Variants in WNK3 observed in about 807,000 individuals in gnomAD.
WNK3 encodes the protein WNK lysine deficient protein kinase 3, also known as serine/threonine-protein kinase WNK3.
Under a neutral mutation model 116.7 loss-of-function variants are expected in WNK3, and 18 were observed. The ratio of observed to expected loss-of-function variants is 0.15; its 90% CI spans 0.11 to 0.23. The LOEUF is 0.23. Among genes scored for constraint, WNK3 ranks in the 10% least tolerant of loss-of-function variants. The pLI is 1.00. For synonymous variants in WNK3, 404 were observed against 469.4 expected (o/e 0.86, Z 1.80); for missense variants, 993 against 1,323.8 (o/e 0.75, Z 3.88).
intron 10 of WNK3, among the ~76,000 whole-genome samples, chrX:54,264,532 C>A (rs2068289621): frequency 9.1e-6 from 1 of 110,221 alleles, no homozygotes; most frequent in African/African-American, 3.3e-5. Context: ...ATAAAACTCA[C>A]ATAATGACAT....
At chrX:54,312,786 G>C (rs1557169981) in intron 2 of WNK3, among the ~76,000 whole-genome samples, 2 of 110,242 alleles carry the variant, frequency 1.8e-5, no homozygotes, top group Non-Finnish European at 3.8e-5. Context: ...TTCTTCATCA[G>C]GTACATTAAT....
At chrX:54,228,885 G>A (rs950781780) in intron 21 of WNK3, 142 bp from the exon 22 acceptor site, 9 of 350,887 alleles carry the variant, frequency 2.6e-5, no homozygotes, top group Non-Finnish European at 4.1e-5. Context: ...ATAATTTATG[G>A]CAAAAGACAG....
Position 54,208,832 on chromosome X carries a change from G to A in WNK3, c.4871-6639C>T, listed in dbSNP as rs782325826. 1.1e-4 allele frequency among the ~76,000 whole-genome samples: 12 copies of A among 111,831 alleles called. No individual in the cohort carries two copies. The South Asian group carries it at 2.6e-3, about 25-fold the overall frequency. On this transcript the variant is annotated intron_variant, in intron 22 of 23. Coordinates refer to ENST00000354646, the Ensembl canonical transcript of WNK3. ...TTACGGTCAGCAAAGGGAAAAGACA[G>A]GAGTCTAGAGAAATTCATGCTCAGA...
At chrX:54,226,909 C>T (rs2067850219) in intron 22 of WNK3, among the ~76,000 whole-genome samples, 1 of 110,867 alleles carries the variant, frequency 9.0e-6, no homozygotes, top group Non-Finnish European at 1.9e-5. Flanking sequence ...TTAAGTTAGG[C>T]AATAGATTTT....
At chrX:54,238,316 A>C (rs1569536288) in intron 19 of WNK3, 26 bp downstream of exon 19, 1 of 1,199,297 alleles carries the variant, frequency 8.3e-7, no homozygotes, top group East Asian at 3.0e-5. Context: ...GCCCTTGTAG[A>C]TAAGGATTCA....
intron 1 of WNK3, among the ~76,000 whole-genome samples, chrX:54,347,322 C>T (rs2069445407): frequency 9.0e-6 from 1 of 111,382 alleles, no homozygotes; most frequent in Non-Finnish European, 1.9e-5. Context: ...CTCGTCTCTA[C>T]TAAAAATACA....
intron 22 of WNK3, among the ~76,000 whole-genome samples, chrX:54,219,812 G>A (rs930396386): frequency 9.0e-6 from 1 of 110,911 alleles, no homozygotes; most frequent in Non-Finnish European, 1.9e-5. Flanking sequence ...AAGAAAATGA[G>A]TAACAGTTTT....
intron 17 of WNK3, among the ~76,000 whole-genome samples, chrX:54,246,272 T>A (rs1603380831): frequency 9.0e-6 from 1 of 111,046 alleles, no homozygotes; most frequent in East Asian, 2.8e-4. Context: ...ATAAGAAAGA[T>A]TTAAAAAATC....
At chrX:54,249,590 G>A in exon 17 of WNK3, 2 of 1,210,884 alleles carry the variant, frequency 1.7e-6, no homozygotes, top group Non-Finnish European at 2.2e-6. Flanking sequence ...TCTATAGTGA[G>A]CAATGTGTCC....
intron 22 of WNK3, 152 bp from the exon 23 acceptor site, chrX:54,202,345 G>A: frequency 1.0e-5 from 5 of 494,050 alleles, no homozygotes. Context: ...CGTCGTCCTG[G>A]TTTAAAGCTG....
At chrX:54,278,966 G>T (rs939369926) in intron 10 of WNK3, among the ~76,000 whole-genome samples, 1 of 111,102 alleles carries the variant, frequency 9.0e-6, no homozygotes, top group Admixed American at 9.6e-5. Flanking sequence ...TACTTGGGAG[G>T]CTGAGGCAGG....
At chrX:54,327,347 G>A (rs1262831260) in intron 2 of WNK3, among the ~76,000 whole-genome samples, 2 of 111,293 alleles carry the variant, frequency 1.8e-5, no homozygotes, top group East Asian at 5.7e-4. Flanking sequence ...ACTCTGAGAG[G>A]CAGAGACAGG....
chrX:54,238,674 C>T (rs2067989999), intron 18 of WNK3, among the ~76,000 whole-genome samples, 194 bp downstream of exon 18: 1 of 111,554 alleles, frequency 9.0e-6, no homozygotes, highest in Admixed American at 9.6e-5. Context: ...GACTTAGTAT[C>T]TATATGAAAT....
At chrX:54,217,315 CAAAAAAAA>C (rs782153999) in intron 22 of WNK3, among the ~76,000 whole-genome samples, 2 of 49,938 alleles carry the variant, frequency 4.0e-5, no homozygotes, top group African/African-American at 1.4e-4. Flanking sequence ...AAGACTCCAT[CAAAAAAAA>C]AAAAAAAAAA....
intron 5 of WNK3, among the ~76,000 whole-genome samples, chrX:54,306,019 C>A (rs782666799): frequency 5.0e-4 from 56 of 110,993 alleles, no homozygotes; most frequent in Non-Finnish European, 8.3e-4. Flanking sequence ...AGCGCCATTG[C>A]ACTCCAGCCT....
At chrX:54,259,683 AT>A (rs1268886780) in intron 10 of WNK3, among the ~76,000 whole-genome samples, 1 of 111,620 alleles carries the variant, frequency 9.0e-6, no homozygotes, top group Admixed American at 9.6e-5. Context: ...AGGTACTACC[AT>A]TCTACAAGAA....
At chrX:54,318,846 G>A (rs1194726449) in intron 2 of WNK3, among the ~76,000 whole-genome samples, 4 of 109,246 alleles carry the variant, frequency 3.7e-5, no homozygotes, top group African/African-American at 1.3e-4. Context: ...GTGTGACCTC[G>A]GTTCACTGCA....
At chrX:54,335,424 A>G (rs1167068793) in intron 1 of WNK3, among the ~76,000 whole-genome samples, 1 of 112,075 alleles carries the variant, frequency 8.9e-6, no homozygotes, top group African/African-American at 3.2e-5. Flanking sequence ...TGCACAATAA[A>G]CATGTGAAAA....
intron 1 of WNK3, among the ~76,000 whole-genome samples, chrX:54,343,099 C>T (rs905858560): frequency 9.9e-5 from 11 of 110,676 alleles, no homozygotes; most frequent in African/African-American, 3.6e-4. Context: ...AATCTGCCTT[C>T]ATCACCCTCC....
Sources: allele counts gnomAD v4.1 joint callset (sites outside exome capture counted in the v4.1 genomes callset), GRCh38; gene constraint gnomAD v4.1.1; transcripts MANE v1.5; gene names NCBI Gene and HGNC (gene_info 2026-07-23, HGNC 2026-07-21).